The following MAP2K5 variants were observed in gnomAD, a reference collection of about 807,000 sequenced individuals.
The protein encoded by MAP2K5 is mitogen-activated protein kinase kinase 5, also known as dual specificity mitogen-activated protein kinase kinase 5.
A neutral mutation model predicts 83.1 loss-of-function variants in MAP2K5; 49 were observed. The ratio of observed to expected loss-of-function variants is 0.59; its 90% CI spans 0.47 to 0.75. The LOEUF is 0.75. Ranked by LOEUF, MAP2K5 falls within the 30% of genes least tolerant of loss-of-function variation. The pLI is 0.00. For missense variants in MAP2K5, 457 were observed against 557.5 expected, an observed-to-expected ratio of 0.82 and a Z score of 1.82; for synonymous variants, 202 against 191.8, an observed-to-expected ratio of 1.05 and a Z score of -0.44.
rs1053623797 is a variant in MAP2K5, at chr15:67,758,379, C to T, written c.1134+9778C>T. Among the ~76,000 whole-genome samples, 6 of 152,004 alleles carry T rather than the reference C, an allele frequency of 3.9e-5. No homozygotes were observed. Among genetic ancestry groups the T allele is most frequent in the East Asian group, 1.9e-4 (1 of 5,186 alleles). On this transcript the variant is annotated intron_variant, in intron 19 of 21. Coordinates refer to ENST00000178640, the MANE Select transcript of MAP2K5 (RefSeq NM_145160.3). This position sits in a 1 kb window ranked among gnomAD's most constrained non-coding sequence, Gnocchi z 4.7. The stretch of plus-strand genomic sequence containing the variant: ...TGGTACTCTCCTGAGATGGGGCACA[C>T]GGAAAGAGAGGCATTTTCAAGGGAT...
intron 13 of MAP2K5, among the ~76,000 whole-genome samples, chr15:67,672,012 A>G (rs912550911): frequency 2.6e-5 from 4 of 151,874 alleles, no homozygotes; most frequent in Admixed American, 2.6e-4. Context: ...GTATGGCTGC[A>G]TAGTATTCCA....
Position 67,555,042 on chromosome 15 carries a change from A to T in MAP2K5, c.184+4960A>T, listed in dbSNP as rs2084596348. ...TTCTGGGTGTGGTGTTTCCAAGGGGAGTTAGGGCTGGATGAGGAGAGGGAC... is the reference window on the plus strand; with the variant it reads ...TTCTGGGTGTGGTGTTTCCAAGGGGTGTTAGGGCTGGATGAGGAGAGGGAC... On this transcript the variant is annotated intron_variant, in intron 2 of 21. Coordinates refer to ENST00000178640, the MANE Select transcript of MAP2K5 (RefSeq NM_145160.3). This position sits in a 1 kb window ranked among gnomAD's most constrained non-coding sequence, Gnocchi z 5.2. 6.6e-6 allele frequency among the ~76,000 whole-genome samples: 1 copy of T among 152,030 alleles called. No individual in the cohort carries two copies. Among genetic ancestry groups the T allele is most frequent in the Non-Finnish European group, 1.5e-5 (1 of 67,976 alleles).
At chr15:67,754,954 C>G (rs893155636) in intron 19 of MAP2K5, among the ~76,000 whole-genome samples, 1 of 152,108 alleles carries the variant, frequency 6.6e-6, no homozygotes, top group Admixed American at 6.5e-5. Context: ...GAGGGAGAAG[C>G]TTAGAAGCTA....
rs1032007386 is a variant in MAP2K5 at position 67,708,192 on chromosome 15, G to A, written c.1044+4784G>A. Among the ~76,000 whole-genome samples, 1 of 151,926 alleles carries A rather than the reference G, an allele frequency of 6.6e-6. No individual in the cohort carries two copies. Among genetic ancestry groups the A allele is most frequent in the African/African-American group, 2.4e-5 (1 of 41,346 alleles). On this transcript the variant is annotated intron_variant, in intron 16 of 21. Transcript: ENST00000178640. This position sits in a 1 kb window ranked among gnomAD's most constrained non-coding sequence, Gnocchi z 4.9. The stretch of plus-strand genomic sequence containing the variant: ...TTTTCATTTAGCCAGGAATGGTGGT[G>A]TGTGCCTATAGTCCTTGCTATGTGG...
At chr15:67,642,949 T>C (rs546246296) in intron 9 of MAP2K5, among the ~76,000 whole-genome samples, 1 of 152,340 alleles carries the variant, frequency 6.6e-6, no homozygotes, top group East Asian at 1.9e-4. Flanking sequence ...GTCATATATC[T>C]TAGCACTGAA....
At chr15:67,710,430 A>G (rs1035965070) in intron 16 of MAP2K5, among the ~76,000 whole-genome samples, 8 of 152,026 alleles carry the variant, frequency 5.3e-5, no homozygotes, top group African/African-American at 1.9e-4. Flanking sequence ...CAACATAGGT[A>G]AAGAACATAG....
At chr15:67,659,328 C>T in intron 12 of MAP2K5, 1 of 154,884 alleles carries the variant, frequency 6.5e-6, no homozygotes, top group Non-Finnish European at 1.4e-5. Context: ...TGGTTTAATG[C>T]AGAACAAAGT....
rs1288507065 is a variant in MAP2K5 at position 67,542,895 on chromosome 15, A to G, written c.-441A>G. On this transcript the variant is annotated 5_prime_UTR_variant, in exon 1 of 22. Transcript: ENST00000178640. ...GTGGCGGCCCTGGGGCTCTTTCTTAATAGCCCCGGACTGAGTCCCCTCCAG... is the reference window on the plus strand; with the variant it reads ...GTGGCGGCCCTGGGGCTCTTTCTTAGTAGCCCCGGACTGAGTCCCCTCCAG... The G allele has an allele frequency of 6.3e-6, 1 of 159,256 alleles. No homozygotes were observed. The highest frequency in any genetic ancestry group is 2.4e-5 in the African/African-American group (1 of 41,604). 9.9% of individuals were successfully genotyped at this position (159,256 alleles called of 1,614,324 possible).
intron 3 of MAP2K5, among the ~76,000 whole-genome samples, chr15:67,578,373 G>A (rs1380347683): frequency 1.3e-5 from 2 of 152,186 alleles, no homozygotes; most frequent in Non-Finnish European, 2.9e-5. Flanking sequence ...CCTTGTTGGT[G>A]GCTGTTCCTC....
rs1753276635 is a variant in MAP2K5, at chr15:67,576,547, T to C, written c.253-4207T>C. On this transcript the variant is annotated intron_variant, in intron 3 of 21. Coordinates refer to ENST00000178640, the MANE Select transcript of MAP2K5 (RefSeq NM_145160.3). ...ATTTTGAAGAACAGCTCAGAGGGAC[T>C]CTGAAACTAATCTGAGTCTAGTACT... Among the ~76,000 whole-genome samples the C allele has an allele frequency of 5.4e-5, 8 of 147,852 alleles. 2 individuals carry two copies. In the South Asian group the frequency reaches 1.8e-3, roughly 33 times the overall value.
chr15:67,550,228 A>G, intron 2 of MAP2K5, 146 bp downstream of exon 2: 1 of 591,252 alleles, frequency 1.7e-6, no homozygotes, highest in Non-Finnish European at 3.0e-6. Flanking sequence ...AAATTGATAT[A>G]AGTTTAATGA....
Position 67,768,052 on chromosome 15 carries a change from G to A in MAP2K5, c.1135-1550G>A, listed in dbSNP as rs2090073793. ...TTTCTTTTCTTGTAGCCTCTTCGGTGTTTTTTGTTGTCTGTTTTTTGTTGT... is the reference window on the plus strand; with the variant it reads ...TTTCTTTTCTTGTAGCCTCTTCGGTATTTTTTGTTGTCTGTTTTTTGTTGT... On this transcript the variant is annotated intron_variant, in intron 19 of 21. Transcript: ENST00000178640. The surrounding 1 kb of genome is among the most constrained non-coding windows in gnomAD (Gnocchi z 4.0). Among the ~76,000 whole-genome samples, 1 of 152,052 alleles carries A rather than the reference G, an allele frequency of 6.6e-6. No homozygotes were observed. The highest frequency in any genetic ancestry group is 1.5e-5 in the Non-Finnish European group (1 of 67,996).
intron 11 of MAP2K5, among the ~76,000 whole-genome samples, chr15:67,653,304 A>C (rs1215835721): frequency 1.6e-5 from 2 of 126,056 alleles, no homozygotes; most frequent in African/African-American, 6.0e-5. Context: ...TTTTTTTTTG[A>C]GACGGAGTTC....
chr15:67,741,897 CTT>C (rs58351164), intron 17 of MAP2K5, among the ~76,000 whole-genome samples: 12 of 144,726 alleles, frequency 8.3e-5, no homozygotes, highest in Non-Finnish European at 9.2e-5. Context: ...TAAGAAAGAA[CTT>C]TTTTTTTTTT....
intron 21 of MAP2K5, among the ~76,000 whole-genome samples, chr15:67,788,703 A>C (rs140320277): frequency 2.2e-3 from 331 of 152,244 alleles, no homozygotes; most frequent in Middle Eastern, 0.01. Flanking sequence ...TTGGCCAGAC[A>C]TGGTGGATCA....
At chr15:67,759,559 CA>C (rs57643226) in intron 19 of MAP2K5, among the ~76,000 whole-genome samples, 117 of 141,350 alleles carry the variant, frequency 8.3e-4, no homozygotes, top group African/African-American at 2.5e-3. Context: ...GACTGTGTCT[CA>C]AAAAAAAAAA....
intron 19 of MAP2K5, among the ~76,000 whole-genome samples, chr15:67,754,818 A>C (rs902984581): frequency 1.3e-5 from 2 of 152,362 alleles, no homozygotes; most frequent in African/African-American, 4.8e-5. Flanking sequence ...AGCATCTCAA[A>C]TGCATGCCAA....
chr15:67,620,978 T>G (rs1405697157), intron 8 of MAP2K5, among the ~76,000 whole-genome samples: 1 of 151,990 alleles, frequency 6.6e-6, no homozygotes, highest in Non-Finnish European at 1.5e-5. Flanking sequence ...AAAATATAAG[T>G]AGAGTAATAT....
rs180805856 is a variant in MAP2K5 at position 67,795,804 on chromosome 15, G to C, written c.1243-10842G>C. ...CTGCATTATCTATCAATTTCTAAGA[G>C]AGGTATGCTAAAATCTCCCACTACT... On this transcript the variant is annotated intron_variant, in intron 21 of 21. Transcript: ENST00000178640. Among the ~76,000 whole-genome samples the C allele has an allele frequency of 3.4e-3, 518 of 152,304 alleles. 2 individuals carry two copies. Among genetic ancestry groups the C allele is most frequent in the Middle Eastern group, 6.8e-3 (2 of 294 alleles).
Sources: gnomAD v4.1 joint callset for allele counts (sites outside exome capture counted in the v4.1 genomes callset) on GRCh38, gnomAD v4.1.1 for gene constraint, Gnocchi (gnomAD v3.1) non-coding constraint, MANE v1.5 for transcripts, NCBI Gene and HGNC (gene_info 2026-07-23, HGNC 2026-07-21) for gene names.